COG7: variants seen among roughly 807,000 people sequenced by gnomAD.
COG7 encodes conserved oligomeric Golgi complex subunit 7.
A neutral mutation model predicts 91.5 loss-of-function variants in COG7; 49 were observed. The ratio of observed to expected loss-of-function variants is 0.54; its 90% CI spans 0.43 to 0.68. The LOEUF is 0.68. Ranked by LOEUF, COG7 falls within the 30% of genes least tolerant of loss-of-function variation. The pLI, the probability that COG7 is intolerant of heterozygous loss-of-function variation, is 0.00. For synonymous variants in COG7, 365 were observed against 388.7 expected (o/e 0.94, Z 0.72); for missense variants, 895 against 961.3 (o/e 0.93, Z 0.91).
At chr16:23,421,805 TGTGCCACTGCACTCCC>T (rs774162364) in intron 7 of COG7, among the ~76,000 whole-genome samples, 61 of 146,662 alleles carry the variant, frequency 4.2e-4, no homozygotes, top group Non-Finnish European at 8.2e-4. Flanking sequence ...GAGCCGAAAT[TGTGCCACTGCACTCCC>T]GCCTGGGCAA....
At chr16:23,417,808 G>A (rs1963681334) in intron 8 of COG7, among the ~76,000 whole-genome samples, 2 of 152,036 alleles carry the variant, frequency 1.3e-5, no homozygotes, top group African/African-American at 4.8e-5. Flanking sequence ...TAAGGCAAAA[G>A]GAAAATGCTT....
At chr16:23,451,745 A>G (rs1312152804) in intron 1 of COG7, among the ~76,000 whole-genome samples, 2 of 146,116 alleles carry the variant, frequency 1.4e-5, no homozygotes, top group Admixed American at 6.8e-5. Flanking sequence ...AAAAAAAAAA[A>G]GGTTTAAGTC....
rs1369965993 is a variant in COG7 at position 23,399,535 on chromosome 16, C to T, written c.1804-1406G>A. Among the ~76,000 whole-genome samples, 3 of 152,030 alleles carry T rather than the reference C, an allele frequency of 2.0e-5. 1 individual carries two copies. The South Asian group carries it at 6.2e-4, about 32-fold the overall frequency. On this transcript the variant is annotated intron_variant, in intron 13 of 16. Transcript: ENST00000307149. The stretch of plus-strand genomic sequence containing the variant: ...GGAAGCAAGACCCCCTGACATACTC[C>T]CACCCTGTACACCCCCACACCTCCT...
intron 13 of COG7, among the ~76,000 whole-genome samples, chr16:23,400,750 A>G (rs567693522): frequency 6.6e-6 from 1 of 152,286 alleles, no homozygotes; most frequent in Non-Finnish European, 1.5e-5. Context: ...CGGGCGGATC[A>G]CTTGAGCCCA....
Position 23,453,037 on chromosome 16 carries a change from G to A in COG7, c.-43C>T. 2 of 1,611,836 alleles carry A rather than the reference G, an allele frequency of 1.2e-6. No homozygotes were observed. The highest frequency in any genetic ancestry group is 1.7e-6 in the Non-Finnish European group (2 of 1,178,682). ...CCTGGCGTCCAGAACTTAAGAGTTGGCTCCGGGCGGCAACGGGGATGCAGA... is the reference window on the plus strand; with the variant it reads ...CCTGGCGTCCAGAACTTAAGAGTTGACTCCGGGCGGCAACGGGGATGCAGA... On this transcript the variant is annotated 5_prime_UTR_variant, in exon 1 of 17. Transcript: ENST00000307149.
intron 16 of COG7, chr16:23,392,089 C>G: frequency 7.6e-7 from 1 of 1,319,036 alleles, no homozygotes; most frequent in South Asian, 1.5e-5. Context: ...TGGAGCGGGC[C>G]AGGTGGGGCC....
intron 16 of COG7, chr16:23,390,020 C>T (rs1253229421): frequency 6.6e-6 from 1 of 152,208 alleles, no homozygotes; most frequent in Non-Finnish European, 1.5e-5. Flanking sequence ...GGGAAACGAA[C>T]ATGAGAGCAC....
At position 23,408,123 on chromosome 16, in the gene COG7, G is replaced by A. The variant is rs372026724; in HGVS notation, c.1476-1861C>T. On this transcript the variant is annotated intron_variant, in intron 11 of 16. Coordinates refer to ENST00000307149, the MANE Select transcript of COG7 (RefSeq NM_153603.4). ...CAGAGGTGAGTGGGGCGAGAGATAG[G>A]GGCGAGTGGGGCGGGAGGCAGGGGG... Among the ~76,000 whole-genome samples, 6 of 51,784 alleles carry A rather than the reference G, an allele frequency of 1.2e-4. No homozygotes were observed. In the East Asian group the frequency reaches 2.6e-3, roughly 22 times the overall value. 34.0% of individuals were successfully genotyped at this position (51,784 alleles called of 152,430 possible). A position where few individuals can be genotyped will look rare whatever the true frequency, so the allele number is the denominator to read the frequency against.
At chr16:23,417,251 G>A (rs1963671893) in intron 8 of COG7, 130 bp from the exon 9 acceptor site, 2 of 929,886 alleles carry the variant, frequency 2.2e-6, no homozygotes, top group Non-Finnish European at 3.4e-6. Flanking sequence ...TAGTCCCAAC[G>A]TTTGAATGCT....
intron 12 of COG7, among the ~76,000 whole-genome samples, chr16:23,404,754 T>C (rs917231696): frequency 2.0e-5 from 3 of 152,202 alleles, no homozygotes; most frequent in African/African-American, 7.2e-5. Context: ...ACCCTTTCTT[T>C]ACTAAAAATA....
Position 23,389,033 on chromosome 16 carries a change from G to A in COG7, c.2200C>T (p.Gln734Ter). The change falls in exon 17 of 17, where the codon CAG becomes TAG. Residue 734 changes from glutamine to a stop codon, truncating the protein, a stop_gained. Transcript: ENST00000307149. LOFTEE classifies it high-confidence loss of function. ...GTCTTCAGTAGCGTCACGATGTGCT[G>A]GAGGGTGCGGGACGGCTGCAGGCCC... ...ALGLQPSRTL[Q>*]HIVTLLKTRP... 1.9e-6 allele frequency: 3 copies of A among 1,614,084 alleles called. No homozygotes were observed. The highest frequency in any genetic ancestry group is 1.7e-5 in the Admixed American group (1 of 60,006).
chr16:23,406,043 A>ATTTGCAAGAATGCC (rs1963455265), intron 12 of COG7, 33 bp downstream of exon 12: 2 of 1,600,774 alleles, frequency 1.2e-6, no homozygotes, highest in Non-Finnish European at 1.7e-6. Context: ...GAAGCCTTTC[A>ATTTGCAAGAATGCC]TTTGCAAGAA....
intron 7 of COG7, among the ~76,000 whole-genome samples, chr16:23,423,191 C>G (rs250574): frequency 6.6e-6 from 1 of 151,586 alleles, no homozygotes; most frequent in Non-Finnish European, 1.5e-5. Context: ...CATGGCGAAA[C>G]CCCATCTCTA....
intron 9 of COG7, chr16:23,416,729 C>T (rs1332134270): frequency 3.5e-6 from 2 of 564,302 alleles, no homozygotes; most frequent in East Asian, 6.0e-5. Context: ...GCACAAGTTT[C>T]CCTCATATGA....
At position 23,406,086 on chromosome 16, in the gene COG7, T is replaced by A; in HGVS notation, c.1652A>T (p.Tyr551Phe). 1 of 1,613,894 alleles carries A rather than the reference T, an allele frequency of 6.2e-7. No homozygotes were observed. The highest frequency in any genetic ancestry group is 8.5e-7 in the Non-Finnish European group (1 of 1,179,738). Reference protein sequence around the residue: ...AEYASLMEILYTLKEKGSSNH... With the variant: ...AEYASLMEILFTLKEKGSSNH... ...CATTTGGTCTCATACCTTAAGGGTA[T>A]AAAGTATTTCCATTAAACTGGCATA... is the stretch of plus-strand genomic sequence containing the variant. Residue 551 changes from tyrosine (Y) to phenylalanine (F), a missense_variant, in exon 12 of 17, where the codon TAT becomes TTT. Coordinates refer to ENST00000307149, the MANE Select transcript of COG7 (RefSeq NM_153603.4).
At chr16:23,443,518 C>T (rs1964134526) in intron 3 of COG7, among the ~76,000 whole-genome samples, 1 of 150,306 alleles carries the variant, frequency 6.7e-6, no homozygotes, top group Admixed American at 6.6e-5. Context: ...CATGGTGAAA[C>T]CATCTCTACT....
intron 3 of COG7, among the ~76,000 whole-genome samples, chr16:23,444,660 C>T (rs142791603): frequency 4.1e-4 from 62 of 151,854 alleles, no homozygotes; most frequent in African/African-American, 1.4e-3. Context: ...TGCAGCACCA[C>T]ACCTGGCTAA....
rs1486058188 is a variant in COG7 at position 23,403,747 on chromosome 16, C to T, written c.1750G>A (p.Asp584Asn). The change falls in exon 13 of 17, where the codon GAT (aspartate) becomes AAT (asparagine). Residue 584 changes from aspartate to asparagine, a missense_variant. Asp to Asn is a conservative substitution (Grantham distance 23). Transcript: ENST00000307149. ...TGTTTGATGCGCAGGAACACGGAAT[C>T]GAAAGCCAGCTGGTGGGCCTGCTGG... ...LNQQAHQLAF[D>N]SVFLRIKQQL... 3.7e-6 allele frequency: 6 copies of T among 1,614,184 alleles called. No individual in the cohort carries two copies. Among genetic ancestry groups the T allele is most frequent in the Non-Finnish European group, 5.1e-6 (6 of 1,180,034 alleles).
intron 13 of COG7, among the ~76,000 whole-genome samples, 187 bp from the exon 14 acceptor site, chr16:23,398,316 C>T (rs1302228121): frequency 1.3e-5 from 2 of 152,158 alleles, no homozygotes; most frequent in Non-Finnish European, 2.9e-5. Flanking sequence ...CCTGGAAGCC[C>T]GCCATACAGA....
Sources: allele counts gnomAD v4.1 joint callset (sites outside exome capture counted in the v4.1 genomes callset), GRCh38; gene constraint gnomAD v4.1.1; transcripts MANE v1.5; gene names NCBI Gene and HGNC (gene_info 2026-07-23, HGNC 2026-07-21).